The following CFAP97 variants were observed in gnomAD, a reference collection of about 807,000 sequenced individuals.
CFAP97 encodes cilia- and flagella-associated protein 97.
CFAP97 carries 36 observed loss-of-function variants against 43.1 expected under a neutral mutation model. That is an observed-to-expected ratio of 0.84 (90% CI 0.64 to 1.10). The LOEUF (loss-of-function observed/expected upper bound fraction) is 1.10. Among genes scored for constraint, CFAP97 ranks in the 50% least tolerant of loss-of-function variants. The probability of loss-of-function intolerance (pLI) is 0.00; values close to 1 mark genes in which losing one functional copy is unlikely to be tolerated. For missense variants in CFAP97, 657 were observed against 620.3 expected (o/e 1.06, Z -0.63); for synonymous variants, 228 against 225.7 (o/e 1.01, Z -0.09).
intron 2 of CFAP97, among the ~76,000 whole-genome samples, chr4:185,176,672 G>C (rs998005243): frequency 2.0e-5 from 3 of 152,052 alleles, no homozygotes; most frequent in African/African-American, 7.2e-5. Context: ...TATCCTTCCC[G>C]ACTGCAGTTT....
chr4:185,184,350 G>A (rs1376586001), intron 2 of CFAP97, among the ~76,000 whole-genome samples: 3 of 152,170 alleles, frequency 2.0e-5, no homozygotes, highest in Non-Finnish European at 4.4e-5. Flanking sequence ...GAGCCTGCTT[G>A]GCCCAGGATA....
Position 185,175,786 on chromosome 4 carries a change from C to A in CFAP97, c.1320G>T (p.Leu440Phe). ...KEQQRIEREN[L>F]ALLKRLEAVK... Reference sequence around the variant, plus strand: ...ATGACTAATTATTTCAGTTACTTACCAAGTTTTCTCTCTCAATCCTTTGTT... The same window carrying A: ...ATGACTAATTATTTCAGTTACTTACAAAGTTTTCTCTCTCAATCCTTTGTT... The change falls in exon 3 of 5, where the codon TTG becomes TTT. Residue 440 changes from leucine to phenylalanine, a missense_variant and splice_region_variant. Leu to Phe is a conservative substitution (Grantham distance 22, BLOSUM62 0). Transcript: ENST00000458385. The A allele has an allele frequency of 6.2e-7, 1 of 1,609,270 alleles. No homozygotes were observed. The highest frequency in any genetic ancestry group is 1.7e-5 in the Admixed American group (1 of 59,458).
intron 3 of CFAP97, among the ~76,000 whole-genome samples, chr4:185,173,872 A>T (rs536754915): frequency 6.6e-6 from 1 of 152,360 alleles, no homozygotes; most frequent in South Asian, 2.1e-4. Flanking sequence ...AAAAACTGTT[A>T]AAATGGCAAA....
In CFAP97 at chr4:185,175,846, C is replaced by T. The variant is rs775724818; in HGVS notation, c.1260G>A (p.Lys420=). The T allele has an allele frequency of 3.7e-6, 6 of 1,613,782 alleles. No individual in the cohort carries two copies. The highest frequency in any genetic ancestry group is 4.5e-5 in the East Asian group (2 of 44,890). The stretch of plus-strand genomic sequence containing the variant: ...GTCTGTTGAGAGCACTGTGATATAA[C>T]TTTGGGGGATGATCAGCCGATCTAG... ...TIPRSADHPP[K]LYHSALNRQK... Residue 420 remains lysine, a synonymous_variant, in exon 3 of 5, where the codon AAG becomes AAA. Coordinates refer to ENST00000458385, the MANE Select transcript of CFAP97 (RefSeq NM_020827.3).
chr4:185,181,881 C>T (rs1735805135), intron 2 of CFAP97, among the ~76,000 whole-genome samples: 1 of 152,156 alleles, frequency 6.6e-6, no homozygotes, highest in African/African-American at 2.4e-5. Context: ...TGGGCATCTC[C>T]TTTCTTATGG....
intron 2 of CFAP97, among the ~76,000 whole-genome samples, chr4:185,189,791 C>T (rs1736150676): frequency 6.6e-6 from 1 of 152,134 alleles, no homozygotes; most frequent in South Asian, 2.1e-4. Flanking sequence ...AGCACTGCTG[C>T]CTTTCTTAAA....
intron 2 of CFAP97, among the ~76,000 whole-genome samples, chr4:185,180,288 A>C (rs1048260622): frequency 6.6e-6 from 1 of 152,140 alleles, no homozygotes; most frequent in Non-Finnish European, 1.5e-5. Context: ...CACAAAATTT[A>C]CCACGTTAAC....
At chr4:185,184,155 G>A (rs1031006570) in intron 2 of CFAP97, among the ~76,000 whole-genome samples, 8 of 152,084 alleles carry the variant, frequency 5.3e-5, no homozygotes, top group African/African-American at 1.9e-4. Context: ...CACCAGTAGG[G>A]GCTGATTAGA....
intron 2 of CFAP97, among the ~76,000 whole-genome samples, chr4:185,182,823 G>A (rs1735854360): frequency 6.6e-6 from 1 of 152,162 alleles, no homozygotes. Context: ...AAACGGGCTG[G>A]GCGTGGTGGC....
intron 1 of CFAP97, among the ~76,000 whole-genome samples, chr4:185,194,309 C>T (rs1314505771): frequency 6.6e-6 from 1 of 152,076 alleles, no homozygotes; most frequent in Admixed American, 6.5e-5. Flanking sequence ...GTCCACATGG[C>T]GAAACTCCTT....
rs200291624 is a variant in CFAP97 at position 185,176,065 on chromosome 4, C to A, written c.1055-14G>T. On this transcript the variant is annotated splice_polypyrimidine_tract_variant and intron_variant, in intron 2 of 4. Transcript: ENST00000458385. ...ATTGCAGAAAAGCTACAGAAAAGAA[C>A]AAAAAAAAAAGAGAAAATGGCCAAA... is the stretch of plus-strand genomic sequence containing the variant. 1.4e-3 allele frequency: 1,834 copies of A among 1,328,736 alleles called. No individual in the cohort carries two copies. Among genetic ancestry groups the A allele is most frequent in the South Asian group, 5.2e-3 (347 of 66,596 alleles). The allele number at this position is 1,328,736 out of a possible 1,614,324, so 82.3% of individuals were successfully genotyped here.
chr4:185,169,951 A>G (rs1735229940), intron 3 of CFAP97: 1 of 1,018,920 alleles, frequency 9.8e-7, no homozygotes, highest in South Asian at 4.6e-5. Context: ...AGTACTGTTA[A>G]TCAACAGATT....
In CFAP97 at chr4:185,176,065, C is replaced by CAA. The variant is rs71593605; in HGVS notation, c.1055-16_1055-15dup. 14,965 of 1,302,350 alleles carry CAA rather than the reference C, an allele frequency of 0.011. 18 individuals are homozygous for CAA. The highest frequency in any genetic ancestry group is 0.028 in the South Asian group (1,835 of 65,598). The allele number at this position is 1,302,350 out of a possible 1,614,324, so 80.7% of individuals were successfully genotyped here. A position where few individuals can be genotyped will look rare whatever the true frequency, so the allele number is the denominator to read the frequency against. On this transcript the variant is annotated splice_polypyrimidine_tract_variant and intron_variant, in intron 2 of 4. Coordinates refer to ENST00000458385, the MANE Select transcript of CFAP97 (RefSeq NM_020827.3). ...ATTGCAGAAAAGCTACAGAAAAGAA[C>CAA]AAAAAAAAAAGAGAAAATGGCCAAA...
chr4:185,184,445 G>C (rs1486937172), intron 2 of CFAP97, among the ~76,000 whole-genome samples: 1 of 152,142 alleles, frequency 6.6e-6, no homozygotes, highest in Non-Finnish European at 1.5e-5. Context: ...TGTTGACTGG[G>C]CCAAATTTCT....
intron 3 of CFAP97, among the ~76,000 whole-genome samples, chr4:185,167,754 C>T (rs1041410600): frequency 6.6e-6 from 1 of 151,892 alleles, no homozygotes; most frequent in African/African-American, 2.4e-5. Context: ...CAGCACTTTG[C>T]GAGGCTGAGG....
At chr4:185,199,840 T>A (rs1736744314) in intron 1 of CFAP97, among the ~76,000 whole-genome samples, 1 of 150,414 alleles carries the variant, frequency 6.6e-6, no homozygotes, top group African/African-American at 2.4e-5. Context: ...GACAAAAAAT[T>A]CAAAATATTA....
intron 3 of CFAP97, among the ~76,000 whole-genome samples, chr4:185,173,753 T>C (rs1406228316): frequency 6.6e-6 from 1 of 152,102 alleles, no homozygotes; most frequent in Non-Finnish European, 1.5e-5. Context: ...AGGAGAGTTG[T>C]TTAATAAGCA....
At chr4:185,185,775 C>G (rs1394803642) in intron 2 of CFAP97, among the ~76,000 whole-genome samples, 1 of 151,662 alleles carries the variant, frequency 6.6e-6, no homozygotes. Context: ...GCAGCTGGGA[C>G]TACAGTAGCA....
chr4:185,192,942 G>A lies in CFAP97; in HGVS notation c.-16-1730C>T, dbSNP rs901287248. On this transcript the variant is annotated intron_variant, in intron 1 of 4. Coordinates refer to ENST00000458385, the MANE Select transcript of CFAP97 (RefSeq NM_020827.3). ...GTTTTAGTAGAGACGGGGTTTCACC[G>A]TGTTATCCAGGATGGCCTGGATCTC... Among the ~76,000 whole-genome samples, 13 of 151,974 alleles carry A rather than the reference G, an allele frequency of 8.6e-5. No individual in the cohort carries two copies. In the Middle Eastern group the frequency reaches 0.01, roughly 120 times the overall value.
Sources: allele counts gnomAD v4.1 joint callset (sites outside exome capture counted in the v4.1 genomes callset), GRCh38; gene constraint gnomAD v4.1.1; transcripts MANE v1.5; gene names NCBI Gene and HGNC (gene_info 2026-07-23, HGNC 2026-07-21).